Variants in MKNK1 observed in about 807,000 individuals in gnomAD.
MKNK1 encodes MAPK interacting serine/threonine kinase 1, also known as MAP kinase-interacting serine/threonine-protein kinase 1.
Under a neutral mutation model 49.3 loss-of-function variants are expected in MKNK1, and 30 were observed. That is an observed-to-expected ratio of 0.61 (90% CI 0.46 to 0.83). The LOEUF (loss-of-function observed/expected upper bound fraction) is 0.83, where lower values mean the gene tolerates loss of function less well. MKNK1 is among the 40% of genes least tolerant of loss of function. The pLI, the probability that MKNK1 is intolerant of heterozygous loss-of-function variation, is 0.00. For missense variants in MKNK1, 423 were observed against 524.7 expected, an observed-to-expected ratio of 0.81 and a Z score of 1.89; for synonymous variants, 176 against 201.7, an observed-to-expected ratio of 0.87 and a Z score of 1.08.
In MKNK1 at chr1:46,560,239, G is replaced by A. The variant is rs1159432757; in HGVS notation, c.1008C>T (p.Leu336=). Residue 336 remains leucine, a synonymous_variant, in exon 12 of 13, where the codon CTC becomes CTT. Coordinates refer to ENST00000371945, the MANE Select transcript of MKNK1 (RefSeq NM_001135553.4). ...PEKGLPTPQV[L]QRNSSTMDLT... ...GGGGTGGTCAGAGCATTTACCTCTG[G>A]AGGACTTGCGGCGTGGGGAGTCCCT... is the stretch of plus-strand genomic sequence containing the variant. 6.2e-7 allele frequency: 1 copy of A among 1,614,062 alleles called. No individual in the cohort carries two copies. Among genetic ancestry groups the A allele is most frequent in the African/African-American group, 1.3e-5 (1 of 74,932 alleles).
chr1:46,598,818 GGAATATAAACTCTAGTCTCTCT>G (rs1475396627), intron 1 of MKNK1, among the ~76,000 whole-genome samples: 1 of 152,128 alleles, frequency 6.6e-6, no homozygotes, highest in Non-Finnish European at 1.5e-5. Flanking sequence ...ATGAGAGGCT[GGAATATAAACTCTAGTCTCTCT>G]GAATCCTGTT....
At chr1:46,584,362 A>G (rs1444420217) in intron 2 of MKNK1, 2 of 152,222 alleles carry the variant, frequency 1.3e-5, no homozygotes, top group African/African-American at 4.8e-5. Flanking sequence ...CTCTGGGTCT[A>G]AATCCCCACC....
At chr1:46,565,426 G>A (rs1668892291) in intron 8 of MKNK1, 1 of 423,624 alleles carries the variant, frequency 2.4e-6, no homozygotes, top group Non-Finnish European at 4.4e-6. Flanking sequence ...GCTGGCAAAT[G>A]ATGGTACAGG....
At chr1:46,575,055 G>C in intron 5 of MKNK1, 35 bp from the exon 6 acceptor site, 1 of 1,361,268 alleles carries the variant, frequency 7.3e-7, no homozygotes, top group Non-Finnish European at 1.0e-6. Flanking sequence ...AGGGAAAAGG[G>C]GGGAAATGGT....
chr1:46,586,292 A>G, intron 2 of MKNK1: 1 of 271,384 alleles, frequency 3.7e-6, no homozygotes, highest in Non-Finnish European at 7.4e-6. Flanking sequence ...GATAGTCCCA[A>G]CCCTTTTGCA....
chr1:46,578,638 G>A (rs896904239), intron 4 of MKNK1, among the ~76,000 whole-genome samples: 1 of 149,678 alleles, frequency 6.7e-6, no homozygotes, highest in East Asian at 2.0e-4. Context: ...CCAGGGTGGA[G>A]TGCAGTGGCA....
intron 7 of MKNK1, chr1:46,568,923 C>T (rs1669587791): frequency 1.3e-5 from 2 of 156,284 alleles, no homozygotes. Flanking sequence ...CTTGTGTGGC[C>T]GATTTAAAAA....
chr1:46,564,733 C>T (rs370214915), intron 9 of MKNK1, among the ~76,000 whole-genome samples: 71 of 152,146 alleles, frequency 4.7e-4, no homozygotes, highest in African/African-American at 1.6e-3. Context: ...CCTCAACCTC[C>T]TAAAGTGCTA....
chr1:46,558,391 CTT>C lies in MKNK1; in HGVS notation c.*182_*183del. 1.7e-6 allele frequency: 1 copy of C among 592,868 alleles called. No individual in the cohort carries two copies. Among genetic ancestry groups the C allele is most frequent in the Non-Finnish European group, 2.8e-6 (1 of 353,656 alleles). The allele number at this position is 592,868 out of a possible 1,614,324, so 36.7% of individuals were successfully genotyped here. ...TCAAAGACAACCCCTTTGGAAAAAG[CTT>C]TTTCCTCCAGGACCCTAGGGAAATG... On this transcript the variant is annotated 3_prime_UTR_variant, in exon 13 of 13. Coordinates refer to ENST00000371945, the MANE Select transcript of MKNK1 (RefSeq NM_001135553.4).
At chr1:46,596,864 T>C (rs2148768414) in intron 1 of MKNK1, among the ~76,000 whole-genome samples, 1 of 152,260 alleles carries the variant, frequency 6.6e-6, no homozygotes, top group Non-Finnish European at 1.5e-5. Context: ...CAGGAGGGAA[T>C]AAACTGACAG....
intron 8 of MKNK1, chr1:46,568,136 A>T: frequency 4.2e-6 from 1 of 236,498 alleles, no homozygotes; most frequent in Non-Finnish European, 8.2e-6. Context: ...AAAAAAAAAA[A>T]GTATTTACGA....
chr1:46,564,988 C>G, intron 9 of MKNK1, 53 bp downstream of exon 9: 1 of 1,559,166 alleles, frequency 6.4e-7, no homozygotes, highest in Non-Finnish European at 8.8e-7. Flanking sequence ...CCTCCCAGCT[C>G]TGGATCAGGG....
chr1:46,563,215 TCCAC>T (rs1391550991), intron 9 of MKNK1, among the ~76,000 whole-genome samples: 1 of 152,184 alleles, frequency 6.6e-6, no homozygotes, highest in East Asian at 1.9e-4. Context: ...GAGATCCAGT[TCCAC>T]ACAGCAAGAT....
chr1:46,598,272 A>G (rs959351706), intron 1 of MKNK1, among the ~76,000 whole-genome samples: 4 of 152,162 alleles, frequency 2.6e-5, no homozygotes, highest in Non-Finnish European at 5.9e-5. Flanking sequence ...AAAAAGTAAT[A>G]TATGTGCTGC....
At chr1:46,583,906 G>A (rs934411788) in intron 2 of MKNK1, among the ~76,000 whole-genome samples, 1 of 152,222 alleles carries the variant, frequency 6.6e-6, no homozygotes, top group Non-Finnish European at 1.5e-5. Context: ...ACGGACTTGA[G>A]TGCCTATGGA....
At chr1:46,574,781 T>C in intron 6 of MKNK1, 166 bp downstream of exon 6, 1 of 581,660 alleles carries the variant, frequency 1.7e-6, no homozygotes, top group Non-Finnish European at 3.1e-6. Context: ...AAATGCTAAT[T>C]ATCATCCTTC....
intron 10 of MKNK1, 151 bp downstream of exon 10, chr1:46,562,498 T>G (rs375246658): frequency 1.1e-6 from 1 of 886,126 alleles, no homozygotes. Flanking sequence ...ATCTCTATTT[T>G]ACCTTGTGGC....
At chr1:46,597,791 A>G (rs1204462702) in intron 1 of MKNK1, among the ~76,000 whole-genome samples, 1 of 152,204 alleles carries the variant, frequency 6.6e-6, no homozygotes, top group Non-Finnish European at 1.5e-5. Context: ...TAATGAATGG[A>G]TGGAAACAGC....
At chr1:46,598,406 T>C (rs934180002) in intron 1 of MKNK1, among the ~76,000 whole-genome samples, 4 of 152,150 alleles carry the variant, frequency 2.6e-5, no homozygotes, top group Admixed American at 6.5e-5. Context: ...ATTGCAACCA[T>C]GTGCTGGAAC....
Sources: allele counts gnomAD v4.1 joint callset (sites outside exome capture counted in the v4.1 genomes callset), GRCh38; gene constraint gnomAD v4.1.1; transcripts MANE v1.5; gene names NCBI Gene and HGNC (gene_info 2026-07-23, HGNC 2026-07-21).